Variants in ST3GAL2 observed in about 807,000 individuals in gnomAD.
ST3GAL2 encodes the protein CMP-N-acetylneuraminate-beta-galactosamide-alpha-2,3-sialyltransferase 2.
In ST3GAL2, 16 loss-of-function variants were observed where a neutral mutation model predicts 37.5. That is an observed-to-expected ratio of 0.43 (90% CI 0.29 to 0.65). The LOEUF (loss-of-function observed/expected upper bound fraction) is 0.65. ST3GAL2 is among the 30% of genes least tolerant of loss of function. The pLI is 0.17. For missense variants in ST3GAL2, 383 were observed against 487.8 expected, an observed-to-expected ratio of 0.79 and a Z score of 2.02; for synonymous variants, 238 against 202.9, an observed-to-expected ratio of 1.17 and a Z score of -1.47.
intron 1 of ST3GAL2, among the ~76,000 whole-genome samples, chr16:70,412,276 C>G (rs1313248021): frequency 2.6e-5 from 4 of 152,198 alleles, no homozygotes; most frequent in African/African-American, 7.2e-5. Flanking sequence ...TTCTGGCATC[C>G]AATGTTGATA....
At chr16:70,382,482 C>T (rs1036725886) in intron 6 of ST3GAL2, among the ~76,000 whole-genome samples, 1 of 152,068 alleles carries the variant, frequency 6.6e-6, no homozygotes, top group Admixed American at 6.6e-5. Flanking sequence ...TGGGGCTTCA[C>T]CATGTTGGCC....
rs2047630813 is a variant in ST3GAL2 at position 70,410,558 on chromosome 16, TCAC to T, written c.-1003-11028_-1003-11026del. On this transcript the variant is annotated intron_variant, in intron 1 of 6. Coordinates refer to ENST00000342907, the MANE Select transcript of ST3GAL2 (RefSeq NM_006927.4). ...GAGAGCCAACACGCCCGGCCAACCC[TCAC>T]CACTTTTTTTCCCCCTCCTGGTCTG... Among the ~76,000 whole-genome samples the T allele has an allele frequency of 3.3e-5, 5 of 152,068 alleles. No individual in the cohort carries two copies. In the South Asian group the frequency reaches 1.0e-3, roughly 32 times the overall value.
rs145960250 is a variant in ST3GAL2, at chr16:70,398,336, G to A, written c.195C>T (p.Leu65=). 1.4e-5 allele frequency: 22 copies of A among 1,613,396 alleles called. No homozygotes were observed. Among genetic ancestry groups the A allele is most frequent in the Non-Finnish European group, 1.8e-5 (21 of 1,180,048 alleles). ...AGLQRLSKER[L]SGKSCACRRC... is the part of the protein sequence containing the mutation. ...GGCGACAGGCACAGCTCTTGCCCGA[G>A]AGCCTCTCCTTGCTGAGGCGCTGCA... Residue 65 remains leucine (L), a synonymous_variant, in exon 2 of 7, where the codon CTC becomes CTT. Transcript: ENST00000342907.
chr16:70,386,559 T>C (rs1195564447), intron 4 of ST3GAL2, among the ~76,000 whole-genome samples: 3 of 151,786 alleles, frequency 2.0e-5, no homozygotes, highest in Admixed American at 6.6e-5. Flanking sequence ...AGGATGGTCT[T>C]GATCTCTTGA....
chr16:70,380,575 T>TGG lies in ST3GAL2; in HGVS notation c.*1112_*1113dup, dbSNP rs1351660889. 1.3e-5 allele frequency: 2 copies of TGG among 152,200 alleles called. No individual in the cohort carries two copies. Among genetic ancestry groups the TGG allele is most frequent in the Non-Finnish European group, 2.9e-5 (2 of 68,106 alleles). 9.4% of individuals were successfully genotyped at this position (152,200 alleles called of 1,614,324 possible). On this transcript the variant is annotated 3_prime_UTR_variant, in exon 7 of 7. Transcript: ENST00000342907. ...CTAGAGCGGGAGATGGAGAGCAGGG[T>TGG]GGAGGCAGGCGGCTTGCGGCGCGCA...
intron 3 of ST3GAL2, among the ~76,000 whole-genome samples, chr16:70,389,240 A>AAAAAAAAAATAAAAT (rs2047465495): frequency 7.2e-6 from 1 of 138,454 alleles, no homozygotes; most frequent in Non-Finnish European, 1.5e-5. Flanking sequence ...AAAAAAAAAA[A>AAAAAAAAAATAAAAT]AAAAGGTTAC....
intron 3 of ST3GAL2, among the ~76,000 whole-genome samples, chr16:70,390,066 G>A (rs1224437984): frequency 5.9e-5 from 9 of 151,906 alleles, no homozygotes; most frequent in Admixed American, 5.2e-4. Flanking sequence ...GATTACAGGC[G>A]TGAGCCACCA....
At chr16:70,425,085 G>A (rs933334968) in intron 1 of ST3GAL2, among the ~76,000 whole-genome samples, 10 of 152,114 alleles carry the variant, frequency 6.6e-5, no homozygotes, top group Admixed American at 3.3e-4. Flanking sequence ...GGTGATGCAC[G>A]CCTGTAGTCC....
At chr16:70,424,388 G>C (rs915394979) in intron 1 of ST3GAL2, among the ~76,000 whole-genome samples, 1 of 150,980 alleles carries the variant, frequency 6.6e-6, no homozygotes, top group Non-Finnish European at 1.5e-5. Flanking sequence ...GATCACCTGA[G>C]GTTGGGAGTT....
At chr16:70,400,470 C>G (rs916387267) in intron 1 of ST3GAL2, 1 of 152,510 alleles carries the variant, frequency 6.6e-6, no homozygotes, top group Non-Finnish European at 1.5e-5. Flanking sequence ...CCCTGGGCCT[C>G]TCAGTGCAGC....
At position 70,381,547 on chromosome 16, in the gene ST3GAL2, G is replaced by T. The variant is rs2047404783; in HGVS notation, c.*142C>A. On this transcript the variant is annotated 3_prime_UTR_variant, in exon 7 of 7. Transcript: ENST00000342907. ...GCGCAGATTGGTGCCAGGCCCGGCC[G>T]GTCCCCCAGTCTCGTGATTGGCGGG... 1 of 1,001,576 alleles carries T rather than the reference G, an allele frequency of 1.0e-6. No individual in the cohort carries two copies. The allele number at this position is 1,001,576 out of a possible 1,614,324, so 62.0% of individuals were successfully genotyped here. A position where few individuals can be genotyped will look rare whatever the true frequency, so the allele number is the denominator to read the frequency against.
At chr16:70,413,845 G>A (rs1321370034) in intron 1 of ST3GAL2, among the ~76,000 whole-genome samples, 2 of 152,142 alleles carry the variant, frequency 1.3e-5, no homozygotes, top group East Asian at 3.9e-4. Flanking sequence ...TCCAGCTGTG[G>A]ATTCAAGCAA....
chr16:70,402,237 C>T (rs113494694), intron 1 of ST3GAL2, among the ~76,000 whole-genome samples: 15 of 136,412 alleles, frequency 1.1e-4, no homozygotes, highest in African/African-American at 3.9e-4. Context: ...AGTGGGAGAT[C>T]GTGCCAATGC....
At position 70,395,011 on chromosome 16, in the gene ST3GAL2, C is replaced by G. The variant is rs567340792; in HGVS notation, c.504G>C (p.Gln168His). The G allele has an allele frequency of 9.9e-6, 16 of 1,613,730 alleles. No individual in the cohort carries two copies. Among genetic ancestry groups the G allele is most frequent in the Non-Finnish European group, 1.4e-5 (16 of 1,179,958 alleles). ...TGATGAAGTTGTGCCCGTCCACGTC[C>G]TGCCCATAGCCAGAGCCCCGCAGGT... ...SGNLRGSGYGQDVDGHNFIMR... is the reference protein window; with the variant it reads ...SGNLRGSGYGHDVDGHNFIMR... The change falls in exon 3 of 7, where the codon CAG (glutamine) becomes CAC (histidine). Residue 168 changes from glutamine to histidine, a missense_variant. Gln to His is a conservative substitution (Grantham distance 24). Transcript: ENST00000342907.
chr16:70,398,452 A>G lies in ST3GAL2; in HGVS notation c.79T>C (p.Ser27Pro). 1 of 1,613,660 alleles carries G rather than the reference A, an allele frequency of 6.2e-7. No homozygotes were observed. The highest frequency in any genetic ancestry group is 1.1e-5 in the South Asian group (1 of 91,086). Residue 27 changes from serine to proline, a missense_variant, in exon 2 of 7, where the codon TCG becomes CCG. By Grantham distance (74) the Ser-to-Pro change is moderately conservative. Coordinates refer to ENST00000342907, the MANE Select transcript of ST3GAL2 (RefSeq NM_006927.4). ...GGGAGCGTGGCCATGCTGTGGTGCG[A>G]GTAGGTGAAGAGCAGGGACATGATG... is the stretch of plus-strand genomic sequence containing the variant. ...VFIMSLLFTY[S>P]HHSMATLPYL...
intron 1 of ST3GAL2, among the ~76,000 whole-genome samples, chr16:70,401,289 C>T (rs760743728): frequency 1.3e-5 from 2 of 152,162 alleles, no homozygotes; most frequent in Non-Finnish European, 2.9e-5. Flanking sequence ...GTCATTAACT[C>T]CTTGGGATTC....
chr16:70,409,243 G>C (rs981360770), intron 1 of ST3GAL2, among the ~76,000 whole-genome samples: 5 of 152,186 alleles, frequency 3.3e-5, no homozygotes, highest in Non-Finnish European at 5.9e-5. Flanking sequence ...TTGGAGCCTG[G>C]GCAACAGAGT....
chr16:70,431,909 A>T (rs2047793155), intron 1 of ST3GAL2, among the ~76,000 whole-genome samples: 1 of 151,880 alleles, frequency 6.6e-6, no homozygotes. Flanking sequence ...GCTTGCAGTG[A>T]GCCGAGATGG....
chr16:70,405,382 A>C (rs2047583041), intron 1 of ST3GAL2, among the ~76,000 whole-genome samples: 1 of 151,758 alleles, frequency 6.6e-6, no homozygotes, highest in African/African-American at 2.4e-5. Flanking sequence ...TCTACTAAAA[A>C]CACAAAAAAT....
Sources: allele counts gnomAD v4.1 joint callset (sites outside exome capture counted in the v4.1 genomes callset), GRCh38; gene constraint gnomAD v4.1.1; transcripts MANE v1.5; gene names NCBI Gene and HGNC (gene_info 2026-07-23, HGNC 2026-07-21).